Variants in SGCD observed in about 807,000 individuals in gnomAD.
The protein encoded by SGCD is sarcoglycan delta.
A neutral mutation model predicts 36.6 loss-of-function variants in SGCD; 18 were observed. The observed-to-expected ratio is 0.49, with a 90% confidence interval of 0.34 to 0.73. The LOEUF (loss-of-function observed/expected upper bound fraction) is 0.73. SGCD is among the 30% of genes least tolerant of loss of function. SGCD has a pLI of 0.01. For missense variants in SGCD, 387 were observed against 346.7 expected (o/e 1.12, Z -0.92); for synonymous variants, 133 against 130.6 (o/e 1.02, Z -0.12).
chr5:156,229,786 G>C (rs963022779), intron 3 of SGCD, among the ~76,000 whole-genome samples: 1 of 152,050 alleles, frequency 6.6e-6, no homozygotes, highest in Non-Finnish European at 1.5e-5. Flanking sequence ...TTCTTCCTCA[G>C]GAATGCTGAT....
chr5:156,669,662 C>T (rs907761141), intron 7 of SGCD, among the ~76,000 whole-genome samples: 1 of 152,278 alleles, frequency 6.6e-6, no homozygotes, highest in Non-Finnish European at 1.5e-5. Context: ...CTTCATTGAG[C>T]TTTAAAGGCC....
At chr5:155,982,458 A>G (rs542413089) in intron 1 of SGCD, among the ~76,000 whole-genome samples, 64 of 152,186 alleles carry the variant, frequency 4.2e-4, no homozygotes, top group Non-Finnish European at 8.7e-4. Flanking sequence ...CTTTGAAAAC[A>G]TTCTTTTCCA....
the SGCD span, among the ~76,000 whole-genome samples, chr5:155,758,231 A>G: frequency 3.4e-4 from 52 of 152,136 alleles, no homozygotes; most frequent in Non-Finnish European, 6.8e-4. Context: ...ATACAAAATA[A>G]TAAAGTTTTC....
At chr5:156,484,284 G>T (rs945866526) in intron 3 of SGCD, among the ~76,000 whole-genome samples, 1 of 152,152 alleles carries the variant, frequency 6.6e-6, no homozygotes, top group Non-Finnish European at 1.5e-5. Flanking sequence ...TTAAAATAAA[G>T]CAAGAGAAGT....
At chr5:156,336,971 C>T (rs1196778089) in intron 2 of SGCD, among the ~76,000 whole-genome samples, 1 of 152,146 alleles carries the variant, frequency 6.6e-6, no homozygotes, top group Non-Finnish European at 1.5e-5. Context: ...GCTTACTTTT[C>T]TGGATGAATT....
chr5:156,115,377 G>A (rs1463779714), intron 1 of SGCD, among the ~76,000 whole-genome samples: 1 of 151,800 alleles, frequency 6.6e-6, no homozygotes, highest in Non-Finnish European at 1.5e-5. Flanking sequence ...TAAGGGGATA[G>A]GGTAGTGAAA....
intron 7 of SGCD, among the ~76,000 whole-genome samples, chr5:156,733,102 C>T (rs556662080): frequency 5.9e-5 from 9 of 151,936 alleles, no homozygotes; most frequent in African/African-American, 2.2e-4. Context: ...GATTTGCTAG[C>T]TTTGAGGTTT....
chr5:155,812,463 C>T, the SGCD span, among the ~76,000 whole-genome samples: 1 of 152,062 alleles, frequency 6.6e-6, no homozygotes, highest in Admixed American at 6.5e-5. Context: ...TAATCAGGAG[C>T]ATTTCATCTT....
rs1757537026 is a variant in SGCD, at chr5:156,763,729, A to AAAG, written c.*4340_*4342dup. 1 of 152,096 alleles carries AAAG rather than the reference A, an allele frequency of 6.6e-6. No homozygotes were observed. The highest frequency in any genetic ancestry group is 1.5e-5 in the Non-Finnish European group (1 of 68,020). The allele number at this position is 152,096 out of a possible 1,614,324, so 9.4% of individuals were successfully genotyped here. On this transcript the variant is annotated 3_prime_UTR_variant, in exon 9 of 9. Transcript: ENST00000337851. ...ATACTCAATATCGCTTAAAAAAAAA[A>AAAG]AAGTATCAGCTAGGGATGACTCTGG...
At chr5:156,305,998 C>G (rs941308500) in intron 3 of SGCD, among the ~76,000 whole-genome samples, 2 of 152,190 alleles carry the variant, frequency 1.3e-5, no homozygotes, top group Non-Finnish European at 2.9e-5. Context: ...TAGGAAGTAA[C>G]TAACTTACTT....
intron 3 of SGCD, among the ~76,000 whole-genome samples, chr5:156,317,273 A>T (rs1767542454): frequency 6.6e-6 from 1 of 152,168 alleles, no homozygotes. Flanking sequence ...GGTTATGTAT[A>T]TAAGAGCCAC....
At chr5:156,409,781 A>C (rs1364525838) in intron 3 of SGCD, among the ~76,000 whole-genome samples, 1 of 152,230 alleles carries the variant, frequency 6.6e-6, no homozygotes, top group Non-Finnish European at 1.5e-5. Context: ...AACAGCTGAC[A>C]CATGGTAGCT....
chr5:156,148,336 T>G (rs1318661559), intron 3 of SGCD, among the ~76,000 whole-genome samples: 1 of 151,932 alleles, frequency 6.6e-6, no homozygotes, highest in African/African-American at 2.4e-5. Flanking sequence ...TTTCAAAGAG[T>G]GCTTGGAGTG....
intron 3 of SGCD, among the ~76,000 whole-genome samples, chr5:156,255,893 C>T (rs1023244064): frequency 6.6e-6 from 1 of 151,772 alleles, no homozygotes; most frequent in African/African-American, 2.4e-5. Context: ...CTTTGTTTTA[C>T]ATCTTTTTTC....
intron 3 of SGCD, among the ~76,000 whole-genome samples, chr5:156,506,510 A>G (rs114524993): frequency 0.01 from 1,544 of 152,240 alleles, 37 homozygotes; most frequent in African/African-American, 0.036. Context: ...CTTACTAAAA[A>G]TGGCTGATTG....
In SGCD at chr5:156,501,773, C is replaced by A. The variant is rs144157814; in HGVS notation, c.193-6828C>A. Among the ~76,000 whole-genome samples, 149 of 152,328 alleles carry A rather than the reference C, an allele frequency of 9.8e-4. 3 individuals are homozygous for A. The East Asian group carries it at 0.026, about 26-fold the overall frequency. ...ATGGGAATAGTCACTGGTGATCCTG[C>A]GATGAGCAGGGCTTTCAGAATTCTT... On this transcript the variant is annotated intron_variant, in intron 3 of 8. Coordinates refer to ENST00000337851, the MANE Select transcript of SGCD (RefSeq NM_000337.6).
chr5:156,187,382 G>C (rs1763787377), intron 3 of SGCD, among the ~76,000 whole-genome samples: 1 of 152,002 alleles, frequency 6.6e-6, no homozygotes, highest in Non-Finnish European at 1.5e-5. Context: ...GCTGAACAAA[G>C]GCAAGCCATT....
the SGCD span, among the ~76,000 whole-genome samples, chr5:155,734,791 C>A: frequency 6.6e-6 from 1 of 152,188 alleles, no homozygotes; most frequent in Non-Finnish European, 1.5e-5. Context: ...ATAGATCCAT[C>A]CCCTGCTGCA....
intron 3 of SGCD, among the ~76,000 whole-genome samples, chr5:156,421,170 A>T (rs184258439): frequency 9.9e-5 from 15 of 152,234 alleles, no homozygotes; most frequent in Non-Finnish European, 1.9e-4. Flanking sequence ...GGCACAAAGA[A>T]AGTATATGAA....
Sources: allele counts gnomAD v4.1 joint callset (sites outside exome capture counted in the v4.1 genomes callset), GRCh38; gene constraint gnomAD v4.1.1; transcripts MANE v1.5; gene names NCBI Gene and HGNC (gene_info 2026-07-23, HGNC 2026-07-21).